The following AHRR variants were observed in gnomAD, a reference collection of about 807,000 sequenced individuals.
AHRR encodes aryl hydrocarbon receptor repressor.
A neutral mutation model predicts 44.0 loss-of-function variants in AHRR; 28 were observed. That is an observed-to-expected ratio of 0.64 (90% CI 0.47 to 0.87). The LOEUF (loss-of-function observed/expected upper bound fraction) is 0.87, where lower values mean the gene tolerates loss of function less well. Among genes scored for constraint, AHRR ranks in the 40% least tolerant of loss-of-function variants. The pLI is 0.00. For synonymous variants in AHRR, 434 were observed against 407.0 expected (o/e 1.07, Z -0.80); for missense variants, 990 against 953.9 (o/e 1.04, Z -0.50).
At chr5:429,873 C>T (rs568586421) in intron 8 of AHRR, among the ~76,000 whole-genome samples, 3 of 152,332 alleles carry the variant, frequency 2.0e-5, no homozygotes, top group African/African-American at 4.8e-5. Flanking sequence ...TGGTGTGACT[C>T]GAATCTCACT....
At chr5:331,745 A>T (rs187021067) in intron 1 of AHRR, among the ~76,000 whole-genome samples, 1 of 152,338 alleles carries the variant, frequency 6.6e-6, no homozygotes, top group East Asian at 1.9e-4. Flanking sequence ...CAGCAGCAGC[A>T]TTAGATTCTC....
intron 4 of AHRR, among the ~76,000 whole-genome samples, chr5:379,985 C>T (rs1189176960): frequency 6.6e-6 from 1 of 152,080 alleles, no homozygotes; most frequent in African/African-American, 2.4e-5. Flanking sequence ...GTCTATGATC[C>T]ACTTTTTGTT....
chr5:376,559 T>TGAATCAATGAGAACCGTGGGGTGAACGC, intron 3 of AHRR, 51 bp from the exon 4 acceptor site: 1 of 241,106 alleles, frequency 4.1e-6, no homozygotes, highest in South Asian at 3.7e-5. Context: ...TGAAGAAGAG[T>TGAATCAATGAGAACCGTGGGGTGAACGC]GGCCAGGCCA....
intron 3 of AHRR, chr5:367,830 T>C (rs1222054005): frequency 1.4e-6 from 1 of 702,450 alleles, no homozygotes; most frequent in Non-Finnish European, 2.6e-6. Flanking sequence ...CAGTGGCAGA[T>C]GCCGAAGATG....
rs1336503532 is a variant in AHRR at position 326,773 on chromosome 5, T to G, written c.-11+4954T>G. ...TGTTATGTTCCATTAAAAAAAATGA[T>G]AGCTGGCCCGGCGCATGGTTCACGC... On this transcript the variant is annotated intron_variant, in intron 1 of 10. Coordinates refer to ENST00000684583, the MANE Select transcript of AHRR (RefSeq NM_001377236.1). This position sits in a 1 kb window ranked among gnomAD's most constrained non-coding sequence, Gnocchi z 4.1. 6.6e-6 allele frequency among the ~76,000 whole-genome samples: 1 copy of G among 152,042 alleles called. No individual in the cohort carries two copies. Among genetic ancestry groups the G allele is most frequent in the Non-Finnish European group, 1.5e-5 (1 of 67,990 alleles).
intron 8 of AHRR, among the ~76,000 whole-genome samples, chr5:430,279 G>T (rs1183643890): frequency 6.6e-6 from 1 of 152,222 alleles, no homozygotes. Flanking sequence ...AGCAGCACCC[G>T]GCACGCTGCC....
chr5:328,673 C>T (rs962422178), intron 1 of AHRR, among the ~76,000 whole-genome samples: 7 of 151,998 alleles, frequency 4.6e-5, no homozygotes, highest in African/African-American at 1.7e-4. Flanking sequence ...CCATTTGTAT[C>T]TCTTCTTTTA....
chr5:344,066 GAA>G, intron 2 of AHRR, 102 bp downstream of exon 2: 1 of 1,298,622 alleles, frequency 7.7e-7, no homozygotes, highest in South Asian at 1.3e-5. Flanking sequence ...GGCGAGCGAG[GAA>G]GGCTTCGGGA....
intron 1 of AHRR, among the ~76,000 whole-genome samples, chr5:341,941 T>C (rs552609335): frequency 6.6e-6 from 1 of 152,348 alleles, no homozygotes; most frequent in East Asian, 1.9e-4. Flanking sequence ...TAAATTTCTT[T>C]GTGAATCAAA....
intron 4 of AHRR, among the ~76,000 whole-genome samples, chr5:402,654 G>A (rs1022983911): frequency 3.3e-5 from 5 of 151,896 alleles, no homozygotes; most frequent in African/African-American, 7.2e-5. Context: ...TCCATGCAAC[G>A]CAGCAGCCCC....
At chr5:379,951 T>C (rs888654498) in intron 4 of AHRR, among the ~76,000 whole-genome samples, 6 of 152,234 alleles carry the variant, frequency 3.9e-5, no homozygotes, top group Non-Finnish European at 8.8e-5. Context: ...TCTAAAGTTG[T>C]ATAGTTTCAT....
At chr5:327,544 G>T (rs966591637) in intron 1 of AHRR, among the ~76,000 whole-genome samples, 1 of 152,180 alleles carries the variant, frequency 6.6e-6, no homozygotes, top group Non-Finnish European at 1.5e-5. Flanking sequence ...TGCTGCAAAA[G>T]ACATGATTTC....
chr5:436,395 T>TAAACGCAC lies in AHRR; in HGVS notation c.*1562_*1569dup. ...CTGGTTTAATGCTGGACCCATTTGT[T>TAAACGCAC]AAACGCACCTTCACTTTGTCAAAAC... On this transcript the variant is annotated 3_prime_UTR_variant, in exon 11 of 11. Transcript: ENST00000684583. 6.6e-6 allele frequency: 1 copy of TAAACGCAC among 152,418 alleles called. No individual in the cohort carries two copies. The allele number at this position is 152,418 out of a possible 1,614,324, so 9.4% of individuals were successfully genotyped here.
intron 4 of AHRR, among the ~76,000 whole-genome samples, chr5:377,932 T>C (rs908757202): frequency 6.6e-6 from 1 of 152,222 alleles, no homozygotes; most frequent in African/African-American, 2.4e-5. Flanking sequence ...GCCCTCCTGC[T>C]GCCTGGCCTG....
Position 404,776 on chromosome 5 carries a change from T to A in AHRR, c.352-8568T>A, listed in dbSNP as rs1431830804. Among the ~76,000 whole-genome samples, 1 of 152,118 alleles carries A rather than the reference T, an allele frequency of 6.6e-6. No homozygotes were observed. Among genetic ancestry groups the A allele is most frequent in the African/African-American group, 2.4e-5 (1 of 41,424 alleles). On this transcript the variant is annotated intron_variant, in intron 4 of 10. Transcript: ENST00000684583. This position sits in a 1 kb window ranked among gnomAD's most constrained non-coding sequence, Gnocchi z 4.1. ...GGTGGGAGGCTGGATGAGAAGGTGT[T>A]ATGTTTTTAGGTGAAAATCGGAGGT...
intron 4 of AHRR, among the ~76,000 whole-genome samples, chr5:412,319 T>C (rs1277425678): frequency 6.6e-6 from 1 of 152,208 alleles, no homozygotes. Context: ...AGTATTAAAA[T>C]CTGCCCTGTT....
chr5:373,606 C>G (rs1221745010), intron 3 of AHRR, among the ~76,000 whole-genome samples: 1 of 152,074 alleles, frequency 6.6e-6, no homozygotes, highest in African/African-American at 2.4e-5. Flanking sequence ...GAGGGGGGGT[C>G]TCTCTCCACA....
intron 5 of AHRR, among the ~76,000 whole-genome samples, chr5:415,132 A>C (rs1401104666): frequency 3.3e-5 from 5 of 152,256 alleles, no homozygotes; most frequent in Non-Finnish European, 5.9e-5. Flanking sequence ...GCGCACCTGG[A>C]GGCCGCTAGG....
intron 4 of AHRR, among the ~76,000 whole-genome samples, chr5:399,576 G>A (rs1420004573): frequency 6.6e-6 from 1 of 152,192 alleles, no homozygotes; most frequent in Non-Finnish European, 1.5e-5. Context: ...CCTCACAGAC[G>A]CTCACTGTTG....
Sources: gnomAD v4.1 joint callset for allele counts (sites outside exome capture counted in the v4.1 genomes callset) on GRCh38, gnomAD v4.1.1 for gene constraint, Gnocchi (gnomAD v3.1) non-coding constraint, MANE v1.5 for transcripts, NCBI Gene and HGNC (gene_info 2026-07-23, HGNC 2026-07-21) for gene names.